The following PIP5K1C variants were observed in gnomAD, a reference collection of about 807,000 sequenced individuals.
PIP5K1C encodes the protein phosphatidylinositol-4-phosphate 5-kinase type 1 gamma.
In PIP5K1C, 45 loss-of-function variants were observed where a neutral mutation model predicts 80.1. The ratio of observed to expected loss-of-function variants is 0.56; its 90% CI spans 0.44 to 0.72. PIP5K1C has a LOEUF of 0.72. Among genes scored for constraint, PIP5K1C ranks in the 30% least tolerant of loss-of-function variants. The pLI, the probability that PIP5K1C is intolerant of heterozygous loss-of-function variation, is 0.00. For synonymous variants in PIP5K1C, 498 were observed against 420.1 expected, an observed-to-expected ratio of 1.19 and a Z score of -2.27; for missense variants, 753 against 954.6, an observed-to-expected ratio of 0.79 and a Z score of 2.78.
In PIP5K1C at chr19:3,664,818, G is replaced by A. The variant is rs993522835; in HGVS notation, c.219+4C>T. 4.3e-6 allele frequency: 7 copies of A among 1,611,356 alleles called. No individual in the cohort carries two copies. In the African/African-American group the frequency reaches 8.0e-5, roughly 18 times the overall value. ...CTCCAGCCAGCTAAGGGGAGCCGAG[G>A]AACCTTCTTGTAGGTGGTTTCGCCG... On this transcript the variant is annotated splice_donor_region_variant and intron_variant, in intron 3 of 17. Coordinates refer to ENST00000335312, the MANE Select transcript of PIP5K1C (RefSeq NM_012398.3).
intron 1 of PIP5K1C, among the ~76,000 whole-genome samples, chr19:3,667,597 G>A (rs925989762): frequency 6.6e-6 from 1 of 152,250 alleles, no homozygotes; most frequent in African/African-American, 2.4e-5. Flanking sequence ...CTAGAGCAGG[G>A]GAGAGGCTTT....
intron 1 of PIP5K1C, among the ~76,000 whole-genome samples, chr19:3,681,187 C>A (rs958559108): frequency 6.6e-6 from 1 of 150,638 alleles, no homozygotes; most frequent in Admixed American, 6.6e-5. Context: ...CGGGTGTGTA[C>A]AATGTTTCAG....
chr19:3,637,209 G>A lies in PIP5K1C; in HGVS notation c.1920+1675C>T. The A allele has an allele frequency of 3.5e-6, 5 of 1,434,696 alleles. No homozygotes were observed. The highest frequency in any genetic ancestry group is 4.5e-6 in the Non-Finnish European group (5 of 1,099,170). The allele number at this position is 1,434,696 out of a possible 1,614,324, so 88.9% of individuals were successfully genotyped here. ...ACCCAAGACACCCTGACACGAGAGG[G>A]CTGGGTCCAGGGGCAGAGAGGGGCT... On this transcript the variant is annotated intron_variant, in intron 16 of 17. Coordinates refer to ENST00000335312, the MANE Select transcript of PIP5K1C (RefSeq NM_012398.3). The surrounding 1 kb of genome is among the most constrained non-coding windows in gnomAD (Gnocchi z 7.0).
chr19:3,647,687 C>T (rs1333348665), intron 9 of PIP5K1C, among the ~76,000 whole-genome samples: 1 of 152,202 alleles, frequency 6.6e-6, no homozygotes, highest in Non-Finnish European at 1.5e-5. Context: ...TGGCTCACAC[C>T]TGTAATCCCA....
chr19:3,647,049 T>C (rs542918113), intron 10 of PIP5K1C, among the ~76,000 whole-genome samples: 1,023 of 33,562 alleles, frequency 0.03, 8 homozygotes, highest in African/African-American at 0.038. Flanking sequence ...GGGGTGCAGG[T>C]GCTCACAGAG....
chr19:3,639,029 G>T lies in PIP5K1C; in HGVS notation c.1788-13C>A. 1 of 1,609,142 alleles carries T rather than the reference G, an allele frequency of 6.2e-7. No individual in the cohort carries two copies. On this transcript the variant is annotated splice_polypyrimidine_tract_variant and intron_variant, in intron 15 of 17. Coordinates refer to ENST00000335312, the MANE Select transcript of PIP5K1C (RefSeq NM_012398.3). Reference sequence around the variant, plus strand: ...GGAAGCCTCCACCCTGGGGACAGGAGTAGACAGAGGGTCTTGACCCTCAGG... The same window carrying T: ...GGAAGCCTCCACCCTGGGGACAGGATTAGACAGAGGGTCTTGACCCTCAGG...
At chr19:3,654,146 C>G (rs1465946980) in intron 6 of PIP5K1C, among the ~76,000 whole-genome samples, 1 of 152,212 alleles carries the variant, frequency 6.6e-6, no homozygotes, top group Non-Finnish European at 1.5e-5. Context: ...GGACTCCAGG[C>G]GTGAGCCCAG....
chr19:3,677,340 T>A (rs1246282022), intron 1 of PIP5K1C, among the ~76,000 whole-genome samples: 4 of 152,106 alleles, frequency 2.6e-5, no homozygotes, highest in Non-Finnish European at 4.4e-5. Context: ...CCCAGCACTT[T>A]GGGAGGCCGA....
In PIP5K1C at chr19:3,637,664, G is replaced by A. The variant is rs2033756645; in HGVS notation, c.1920+1220C>T. On this transcript the variant is annotated intron_variant, in intron 16 of 17. Transcript: ENST00000335312. The surrounding 1 kb of genome is among the most constrained non-coding windows in gnomAD (Gnocchi z 7.0). ...GGAGGAGGAAGGAAAACAGAGGACA[G>A]CGGATGAGGCGGCCACCCCCGTGGT... The A allele has an allele frequency of 1.3e-6, 2 of 1,510,196 alleles. No homozygotes were observed. Among genetic ancestry groups the A allele is most frequent in the Non-Finnish European group, 1.8e-6 (2 of 1,132,766 alleles). The allele number at this position is 1,510,196 out of a possible 1,614,324, so 93.5% of individuals were successfully genotyped here.
At chr19:3,684,236 T>A (rs1466814969) in intron 1 of PIP5K1C, among the ~76,000 whole-genome samples, 1 of 152,118 alleles carries the variant, frequency 6.6e-6, no homozygotes, top group Non-Finnish European at 1.5e-5. Context: ...TTTCTTTGCC[T>A]TATAATTAGA....
intron 1 of PIP5K1C, among the ~76,000 whole-genome samples, chr19:3,686,440 T>C (rs2035761821): frequency 6.7e-6 from 1 of 149,202 alleles, no homozygotes. Flanking sequence ...AAATAAAGGC[T>C]GGGTGCAGTG....
In PIP5K1C at chr19:3,632,739, G is replaced by C. The variant is rs1212459190; in HGVS notation, c.*428C>G. On this transcript the variant is annotated 3_prime_UTR_variant, in exon 18 of 18. Transcript: ENST00000335312. ...AGGCCGATGGGGCCCCCGGGGCTCA[G>C]GTCCCCAGAGGCCACCGCGAACAGC... 5.7e-6 allele frequency: 1 copy of C among 174,814 alleles called. No homozygotes were observed. Among genetic ancestry groups the C allele is most frequent in the Non-Finnish European group, 1.2e-5 (1 of 83,316 alleles). The allele number at this position is 174,814 out of a possible 1,614,324, so 10.8% of individuals were successfully genotyped here. A position where few individuals can be genotyped will look rare whatever the true frequency, so the allele number is the denominator to read the frequency against.
intron 1 of PIP5K1C, among the ~76,000 whole-genome samples, chr19:3,667,888 G>A (rs534982888): frequency 1.3e-5 from 2 of 152,340 alleles, no homozygotes; most frequent in Non-Finnish European, 2.9e-5. Flanking sequence ...GCCCCCGCTG[G>A]GGCGAGGGCA....
intron 12 of PIP5K1C, among the ~76,000 whole-genome samples, 181 bp from the exon 13 acceptor site, chr19:3,643,562 G>T (rs1053444736): frequency 6.6e-6 from 1 of 151,904 alleles, no homozygotes; most frequent in African/African-American, 2.4e-5. Flanking sequence ...AAAGGCTTCT[G>T]ACCGCTCTCA....
At chr19:3,668,652 G>A (rs897867893) in intron 1 of PIP5K1C, among the ~76,000 whole-genome samples, 1 of 152,222 alleles carries the variant, frequency 6.6e-6, no homozygotes, top group Non-Finnish European at 1.5e-5. Flanking sequence ...GGGATCGCAC[G>A]TGCTGGCGTC....
rs145987552 is a variant in PIP5K1C at position 3,659,026 on chromosome 19, G to A, written c.468+1940C>T. On this transcript the variant is annotated intron_variant, in intron 5 of 17. Coordinates refer to ENST00000335312, the MANE Select transcript of PIP5K1C (RefSeq NM_012398.3). ...GAGCCCCACCCTGCATCCCACCTCCGCCTTCTCCTTCCTGGCTGTCCTGAG... is the reference window on the plus strand; with the variant it reads ...GAGCCCCACCCTGCATCCCACCTCCACCTTCTCCTTCCTGGCTGTCCTGAG... Among the ~76,000 whole-genome samples, 221 of 152,218 alleles carry A rather than the reference G, an allele frequency of 1.5e-3. 3 individuals carry two copies. The highest frequency in any genetic ancestry group is 0.01 in the Admixed American group (156 of 15,282).
At chr19:3,638,137 T>A (rs1343287005) in intron 16 of PIP5K1C, 2 of 1,206,748 alleles carry the variant, frequency 1.7e-6, no homozygotes. Flanking sequence ...ATCTGGGAAG[T>A]GGGCTGCAGC....
intron 16 of PIP5K1C, among the ~76,000 whole-genome samples, chr19:3,634,169 T>C (rs1199205129): frequency 6.6e-6 from 1 of 151,540 alleles, no homozygotes; most frequent in Non-Finnish European, 1.5e-5. Flanking sequence ...CAGGGCCGTG[T>C]GCAGGGACAC....
chr19:3,637,471 G>T lies in PIP5K1C; in HGVS notation c.1920+1413C>A. On this transcript the variant is annotated intron_variant, in intron 16 of 17. Coordinates refer to ENST00000335312, the MANE Select transcript of PIP5K1C (RefSeq NM_012398.3). This position sits in a 1 kb window ranked among gnomAD's most constrained non-coding sequence, Gnocchi z 7.0. ...ACACTGAGCTTCCGGCCGGGGACCT[G>T]CGGCTCCCTGCTGCCCGAGGGGCAC... 2.0e-6 allele frequency: 3 copies of T among 1,535,698 alleles called. No individual in the cohort carries two copies. Among genetic ancestry groups the T allele is most frequent in the East Asian group, 2.4e-5 (1 of 40,888 alleles).
Sources: gnomAD v4.1 joint callset for allele counts (sites outside exome capture counted in the v4.1 genomes callset) on GRCh38, gnomAD v4.1.1 for gene constraint, Gnocchi (gnomAD v3.1) non-coding constraint, MANE v1.5 for transcripts, NCBI Gene and HGNC (gene_info 2026-07-23, HGNC 2026-07-21) for gene names.